Variants in SYNDIG1 observed in about 807,000 individuals in gnomAD.
The protein encoded by SYNDIG1 is synapse differentiation-inducing gene protein 1.
In SYNDIG1, 9 loss-of-function variants were observed where a neutral mutation model predicts 19.4. The observed-to-expected ratio is 0.46, with a 90% CI of 0.28 to 0.81. SYNDIG1 has a LOEUF of 0.81. SYNDIG1 is among the 30% of genes least tolerant of loss of function. The pLI, the probability that SYNDIG1 is intolerant of heterozygous loss-of-function variation, is 0.12. For synonymous variants in SYNDIG1, 141 were observed against 145.9 expected (o/e 0.97, Z 0.24); for missense variants, 311 against 343.3 (o/e 0.91, Z 0.74).
chr20:24,600,819 T>A (rs1213911549), intron 3 of SYNDIG1, among the ~76,000 whole-genome samples: 3 of 152,138 alleles, frequency 2.0e-5, no homozygotes, highest in Non-Finnish European at 4.4e-5. Flanking sequence ...TTCACCATGT[T>A]GGCCAGGCTG....
At chr20:24,471,492 G>A (rs987986030) in intron 1 of SYNDIG1, among the ~76,000 whole-genome samples, 1 of 149,722 alleles carries the variant, frequency 6.7e-6, no homozygotes, top group African/African-American at 2.5e-5. Context: ...TCTCTCCACC[G>A]CCCGCCCCTT....
chr20:24,599,524 C>A (rs1369131723), intron 3 of SYNDIG1, among the ~76,000 whole-genome samples: 1 of 152,108 alleles, frequency 6.6e-6, no homozygotes, highest in Non-Finnish European at 1.5e-5. Context: ...CAAATAAATA[C>A]CTACACCCTC....
At chr20:24,626,193 CGGGG>C (rs776357694) in intron 3 of SYNDIG1, among the ~76,000 whole-genome samples, 17,266 of 138,390 alleles carry the variant, frequency 0.12, 1,153 homozygotes, top group East Asian at 0.13. Context: ...CCCTCCCGGA[CGGGG>C]CGGCTGGCCT....
chr20:24,515,496 G>C (rs1347569798), intron 1 of SYNDIG1, among the ~76,000 whole-genome samples: 1 of 151,914 alleles, frequency 6.6e-6, no homozygotes, highest in Non-Finnish European at 1.5e-5. Flanking sequence ...AAAGTCTCAG[G>C]ATACAAAATC....
chr20:24,478,373 C>T (rs2055695701), intron 1 of SYNDIG1, among the ~76,000 whole-genome samples: 2 of 152,182 alleles, frequency 1.3e-5, no homozygotes, highest in Admixed American at 1.3e-4. Flanking sequence ...TCGGCGAGCT[C>T]CCCAGATGCC....
intron 1 of SYNDIG1, among the ~76,000 whole-genome samples, chr20:24,532,873 A>T (rs532974861): frequency 1.7e-4 from 26 of 152,270 alleles, no homozygotes; most frequent in Admixed American, 3.9e-4. Flanking sequence ...ATTTAGATCA[A>T]CAACTGTTAG....
chr20:24,547,940 A>C (rs1271874852), intron 2 of SYNDIG1, among the ~76,000 whole-genome samples: 1 of 152,090 alleles, frequency 6.6e-6, no homozygotes, highest in African/African-American at 2.4e-5. Context: ...GCAATGCAAA[A>C]CCTCTCAGAC....
intron 2 of SYNDIG1, among the ~76,000 whole-genome samples, chr20:24,559,549 T>C (rs2057894959): frequency 6.6e-6 from 1 of 152,198 alleles, no homozygotes; most frequent in Non-Finnish European, 1.5e-5. Flanking sequence ...TTACCCTCAC[T>C]CATATTTACT....
At chr20:24,550,543 C>G (rs1164140614) in intron 2 of SYNDIG1, among the ~76,000 whole-genome samples, 1 of 149,978 alleles carries the variant, frequency 6.7e-6, no homozygotes, top group Non-Finnish European at 1.5e-5. Flanking sequence ...GAGTCTCTCT[C>G]TGTCGCCCAG....
chr20:24,530,136 C>T (rs1240963688), intron 1 of SYNDIG1, among the ~76,000 whole-genome samples: 4 of 107,994 alleles, frequency 3.7e-5, no homozygotes, highest in Admixed American at 3.0e-4. Context: ...GAAGTGGAGA[C>T]TTACAAAGCT....
chr20:24,506,738 G>A (rs1375064709), intron 1 of SYNDIG1, among the ~76,000 whole-genome samples: 2 of 152,176 alleles, frequency 1.3e-5, no homozygotes, highest in East Asian at 3.9e-4. Context: ...GTCCGGGGCA[G>A]TGGCTCCTCC....
At chr20:24,570,311 C>A (rs975245030) in intron 2 of SYNDIG1, among the ~76,000 whole-genome samples, 22 of 152,046 alleles carry the variant, frequency 1.4e-4, no homozygotes, top group Non-Finnish European at 2.5e-4. Flanking sequence ...TTTACTTAAT[C>A]AAAATTAAAA....
At chr20:24,596,630 C>T (rs184980824) in intron 3 of SYNDIG1, among the ~76,000 whole-genome samples, 67 of 152,274 alleles carry the variant, frequency 4.4e-4, no homozygotes, top group South Asian at 3.5e-3. Context: ...CAGACCGCCT[C>T]GGCCTCCCAA....
chr20:24,485,923 C>G (rs780639030), intron 1 of SYNDIG1, among the ~76,000 whole-genome samples: 2 of 152,216 alleles, frequency 1.3e-5, no homozygotes, highest in African/African-American at 2.4e-5. Context: ...ACAGAGACCC[C>G]CCCAGGAGAT....
chr20:24,481,075 CTA>C (rs1266300852), intron 1 of SYNDIG1, among the ~76,000 whole-genome samples: 1 of 152,050 alleles, frequency 6.6e-6, no homozygotes, highest in Non-Finnish European at 1.5e-5. Context: ...ACTTAGCACA[CTA>C]AGAAATGGTT....
rs374470207 is a variant in SYNDIG1 at position 24,505,173 on chromosome 20, G to A, written c.-79+35420G>A. Among the ~76,000 whole-genome samples the A allele has an allele frequency of 7.2e-4, 110 of 152,288 alleles. No individual in the cohort carries two copies. The South Asian group carries it at 0.017, about 23-fold the overall frequency. Reference sequence around the variant, plus strand: ...CGGCACAGGGTAGGTAGGTGGCACCGCGGGCTACAGGGAGATGAGCTGGAA... The same window carrying A: ...CGGCACAGGGTAGGTAGGTGGCACCACGGGCTACAGGGAGATGAGCTGGAA... On this transcript the variant is annotated intron_variant, in intron 1 of 3. Coordinates refer to ENST00000376862, the MANE Select transcript of SYNDIG1 (RefSeq NM_024893.3).
chr20:24,645,343 A>G (rs2059413063), intron 3 of SYNDIG1, among the ~76,000 whole-genome samples: 1 of 152,236 alleles, frequency 6.6e-6, no homozygotes, highest in East Asian at 1.9e-4. Flanking sequence ...GAGTAGGAAC[A>G]CAGCTCGTTT....
At chr20:24,524,490 A>G (rs1427498208) in intron 1 of SYNDIG1, among the ~76,000 whole-genome samples, 1 of 152,116 alleles carries the variant, frequency 6.6e-6, no homozygotes, top group Non-Finnish European at 1.5e-5. Context: ...CTAAAAATAC[A>G]AAACATTAGC....
intron 3 of SYNDIG1, among the ~76,000 whole-genome samples, chr20:24,621,244 A>C (rs899621980): frequency 1.3e-5 from 2 of 152,256 alleles, no homozygotes; most frequent in African/African-American, 2.4e-5. Context: ...TTCCACATGC[A>C]TCTCACTTGT....
Sources: gnomAD v4.1 joint callset for allele counts (sites outside exome capture counted in the v4.1 genomes callset) on GRCh38, gnomAD v4.1.1 for gene constraint, MANE v1.5 for transcripts, NCBI Gene and HGNC (gene_info 2026-07-23, HGNC 2026-07-21) for gene names.